The following SORCS3 variants were observed in gnomAD, a reference collection of about 807,000 sequenced individuals.
SORCS3 encodes sortilin related VPS10 domain containing receptor 3.
A neutral mutation model predicts 146.3 loss-of-function variants in SORCS3; 57 were observed. That is an observed-to-expected ratio of 0.39 (90% CI 0.31 to 0.49). The LOEUF (loss-of-function observed/expected upper bound fraction) is 0.49. Among genes scored for constraint, SORCS3 ranks in the 20% least tolerant of loss-of-function variants. SORCS3 has a pLI of 0.92. For missense variants in SORCS3, 1,341 were observed against 1,575.5 expected, an observed-to-expected ratio of 0.85 and a Z score of 2.52; for synonymous variants, 653 against 618.5, an observed-to-expected ratio of 1.06 and a Z score of -0.83.
At chr10:104,917,197 C>T (rs1248184764) in intron 3 of SORCS3, among the ~76,000 whole-genome samples, 2 of 152,102 alleles carry the variant, frequency 1.3e-5, no homozygotes, top group Non-Finnish European at 2.9e-5. Context: ...TGTTTAGGCA[C>T]CTGTTATTGA....
At chr10:104,807,113 G>A (rs2017686299) in intron 1 of SORCS3, among the ~76,000 whole-genome samples, 1 of 151,640 alleles carries the variant, frequency 6.6e-6, no homozygotes, top group Admixed American at 6.6e-5. Flanking sequence ...AGCATTTTCA[G>A]ACCCTTGTGG....
intron 9 of SORCS3, among the ~76,000 whole-genome samples, chr10:105,149,405 A>C (rs1474073013): frequency 6.6e-6 from 1 of 152,180 alleles, no homozygotes; most frequent in East Asian, 1.9e-4. Flanking sequence ...ACAAGGTCCC[A>C]GTTTTGGAAA....
At chr10:105,183,843 T>G (rs2056458841) in intron 14 of SORCS3, among the ~76,000 whole-genome samples, 1 of 152,114 alleles carries the variant, frequency 6.6e-6, no homozygotes, top group Non-Finnish European at 1.5e-5. Flanking sequence ...AAAGCTTATT[T>G]TGATCAATGG....
At chr10:104,951,168 C>A (rs2019425203) in intron 3 of SORCS3, among the ~76,000 whole-genome samples, 1 of 152,116 alleles carries the variant, frequency 6.6e-6, no homozygotes, top group Non-Finnish European at 1.5e-5. Flanking sequence ...CTATAAGTTT[C>A]TAGCACATAA....
chr10:104,962,162 G>A (rs2054800010), intron 3 of SORCS3, among the ~76,000 whole-genome samples: 3 of 152,242 alleles, frequency 2.0e-5, no homozygotes, highest in Admixed American at 1.3e-4. Flanking sequence ...AAGGGATTGA[G>A]TTAAAATGGG....
intron 17 of SORCS3, among the ~76,000 whole-genome samples, chr10:105,213,316 G>A (rs996625544): frequency 6.6e-6 from 1 of 152,204 alleles, no homozygotes; most frequent in Non-Finnish European, 1.5e-5. Context: ...TGTCAGGTAT[G>A]ATGGAAGACT....
intron 1 of SORCS3, among the ~76,000 whole-genome samples, chr10:104,688,903 C>T (rs2016081512): frequency 6.6e-6 from 1 of 152,200 alleles, no homozygotes; most frequent in Non-Finnish European, 1.5e-5. Flanking sequence ...TCTGTGTGAC[C>T]CATGGGAGAT....
chr10:104,963,789 A>C (rs1038033614), intron 3 of SORCS3, among the ~76,000 whole-genome samples: 11 of 152,174 alleles, frequency 7.2e-5, no homozygotes, highest in Middle Eastern at 3.2e-3. Flanking sequence ...ATAAGTGTTA[A>C]TTCCACTTTC....
At chr10:104,909,844 C>T (rs1405083143) in intron 2 of SORCS3, among the ~76,000 whole-genome samples, 2 of 151,558 alleles carry the variant, frequency 1.3e-5, no homozygotes, top group Non-Finnish European at 2.9e-5. Context: ...AGCCTCTCCC[C>T]GAGAAGATCA....
chr10:105,199,315 G>T (rs2056561307), intron 14 of SORCS3, among the ~76,000 whole-genome samples: 1 of 151,644 alleles, frequency 6.6e-6, no homozygotes, highest in South Asian at 2.1e-4. Flanking sequence ...GGTCAGTATT[G>T]ATTATCTAAG....
chr10:105,131,579 G>A (rs546600467), intron 7 of SORCS3, among the ~76,000 whole-genome samples: 2 of 152,230 alleles, frequency 1.3e-5, no homozygotes, highest in South Asian at 2.1e-4. Context: ...TGCCTTGGCC[G>A]TGGGTGCATT....
chr10:104,936,781 G>C (rs1364139278), intron 3 of SORCS3, among the ~76,000 whole-genome samples: 3 of 152,336 alleles, frequency 2.0e-5, no homozygotes, highest in Middle Eastern at 3.4e-3. Context: ...TCAGCAAACA[G>C]TTTTTGAAAA....
chr10:105,050,728 T>A (rs978127565), intron 5 of SORCS3, among the ~76,000 whole-genome samples: 1 of 152,138 alleles, frequency 6.6e-6, no homozygotes, highest in African/African-American at 2.4e-5. Context: ...TGTAGTAATC[T>A]GTTACACAGA....
At chr10:104,905,229 A>C (rs1341340057) in intron 2 of SORCS3, among the ~76,000 whole-genome samples, 2 of 152,204 alleles carry the variant, frequency 1.3e-5, no homozygotes, top group African/African-American at 4.8e-5. Flanking sequence ...GGAAGAGATA[A>C]ATGAAGTTTT....
At chr10:105,047,105 A>G (rs1287673362) in intron 5 of SORCS3, among the ~76,000 whole-genome samples, 1 of 152,040 alleles carries the variant, frequency 6.6e-6, no homozygotes, top group African/African-American at 2.4e-5. Flanking sequence ...CTTGGGGGAT[A>G]TTTAACAGGC....
At chr10:105,169,089 C>A (rs2119532957) in intron 13 of SORCS3, among the ~76,000 whole-genome samples, 1 of 152,158 alleles carries the variant, frequency 6.6e-6, no homozygotes, top group Non-Finnish European at 1.5e-5. Context: ...TAATGCTTGC[C>A]CAACCTATGT....
chr10:104,758,493 A>G (rs1022163268), intron 1 of SORCS3, among the ~76,000 whole-genome samples: 1 of 152,072 alleles, frequency 6.6e-6, no homozygotes, highest in Non-Finnish European at 1.5e-5. Flanking sequence ...TGGTAGGGAG[A>G]GTCTGTAGGG....
At chr10:104,797,039 C>T (rs2017564209) in intron 1 of SORCS3, among the ~76,000 whole-genome samples, 1 of 152,178 alleles carries the variant, frequency 6.6e-6, no homozygotes, top group Admixed American at 6.5e-5. Context: ...TCTTTGCAGC[C>T]TAGCACTTAC....
intron 1 of SORCS3, among the ~76,000 whole-genome samples, chr10:104,751,923 G>GAATATATATATATATA (rs1564675362): frequency 2.8e-4 from 6 of 21,738 alleles, no homozygotes; most frequent in Non-Finnish European, 5.1e-4. Context: ...CTAATAGGAA[G>GAATATATATATATATA]CATATATATA....
Sources: gnomAD v4.1 joint callset for allele counts (sites outside exome capture counted in the v4.1 genomes callset) on GRCh38, gnomAD v4.1.1 for gene constraint, MANE v1.5 for transcripts, NCBI Gene and HGNC (gene_info 2026-07-23, HGNC 2026-07-21) for gene names.